The following SOHLH2 variants were observed in gnomAD, a reference collection of about 807,000 sequenced individuals.
SOHLH2 encodes spermatogenesis and oogenesis specific basic helix-loop-helix 2.
SOHLH2 carries 22 observed loss-of-function variants against 50.4 expected under a neutral mutation model. The ratio of observed to expected loss-of-function variants is 0.44; its 90% CI spans 0.31 to 0.62. SOHLH2 has a LOEUF of 0.62. SOHLH2 is among the 20% of genes least tolerant of loss of function. The pLI, the probability that SOHLH2 is intolerant of heterozygous loss-of-function variation, is 0.08. For synonymous variants in SOHLH2, 185 were observed against 187.3 expected, an observed-to-expected ratio of 0.99 and a Z score of 0.10; for missense variants, 412 against 504.4, an observed-to-expected ratio of 0.82 and a Z score of 1.76.
At chr13:36,183,146 A>T in intron 6 of SOHLH2, 1 of 373,990 alleles carries the variant, frequency 2.7e-6, no homozygotes, top group South Asian at 2.0e-5. Flanking sequence ...CCATGATTGT[A>T]AGCTTCCTGA....
In SOHLH2 at chr13:36,207,686, A is replaced by C. The variant is rs1355600641; in HGVS notation, c.49-5593T>G. On this transcript the variant is annotated intron_variant, in intron 1 of 10. Transcript: ENST00000379881. ...TCTGTCCCAGGATCCCATCTGGATA[A>C]TAGGTTGCACTTAGTCCTCGTGTCT... is the stretch of plus-strand genomic sequence containing the variant. Among the ~76,000 whole-genome samples the C allele has an allele frequency of 3.3e-5, 5 of 152,148 alleles. 1 individual carries two copies. Among genetic ancestry groups the C allele is most frequent in the Admixed American group, 3.3e-4 (5 of 15,262 alleles).
At chr13:36,171,633 T>C (rs1197579543) in intron 9 of SOHLH2, among the ~76,000 whole-genome samples, 1 of 152,182 alleles carries the variant, frequency 6.6e-6, no homozygotes, top group Non-Finnish European at 1.5e-5. Flanking sequence ...AGGAACCCAT[T>C]ATACTCTTCC....
At position 36,173,879 on chromosome 13, in the gene SOHLH2, T is replaced by C. The variant is rs529184259; in HGVS notation, c.882-69A>G. The C allele has an allele frequency of 4.5e-6, 7 of 1,559,940 alleles. No individual in the cohort carries two copies. The African/African-American group carries it at 6.8e-5, about 15-fold the overall frequency. On this transcript the variant is annotated intron_variant, in intron 8 of 10. Coordinates refer to ENST00000379881, the MANE Select transcript of SOHLH2 (RefSeq NM_017826.3). Reference sequence around the variant, plus strand: ...ACAATGTGGACACTGCTGAGTTCAATTGCCCTTTTATCATTCAAGTTCTAA... The same window carrying C: ...ACAATGTGGACACTGCTGAGTTCAACTGCCCTTTTATCATTCAAGTTCTAA...
At chr13:36,197,539 A>T (rs1209142740) in intron 2 of SOHLH2, among the ~76,000 whole-genome samples, 1 of 152,180 alleles carries the variant, frequency 6.6e-6, no homozygotes, top group Non-Finnish European at 1.5e-5. Flanking sequence ...AAGCCTGCGG[A>T]AATTTCTACC....
chr13:36,211,370 T>C (rs1869112426), intron 1 of SOHLH2, among the ~76,000 whole-genome samples: 1 of 152,240 alleles, frequency 6.6e-6, no homozygotes, highest in South Asian at 2.1e-4. Context: ...ATGTTTATTC[T>C]CTCCATAGAT....
intron 6 of SOHLH2, chr13:36,183,021 G>C (rs764775899): frequency 5.8e-6 from 1 of 173,346 alleles, no homozygotes. Flanking sequence ...TGATGAGTGA[G>C]TTCTCACTCA....
intron 9 of SOHLH2, 105 bp downstream of exon 9, chr13:36,173,586 GC>G: frequency 7.5e-7 from 1 of 1,337,898 alleles, no homozygotes; most frequent in South Asian, 1.2e-5. Context: ...GGACTCATCA[GC>G]TCTCCTGGAT....
intron 6 of SOHLH2, among the ~76,000 whole-genome samples, chr13:36,184,596 A>G (rs111357451): frequency 1.3e-5 from 2 of 151,378 alleles, no homozygotes; most frequent in African/African-American, 4.9e-5. Context: ...AGTAGCTGGG[A>G]CTACAGGCGC....
At chr13:36,207,634 C>T (rs940877953) in intron 1 of SOHLH2, among the ~76,000 whole-genome samples, 4 of 152,126 alleles carry the variant, frequency 2.6e-5, no homozygotes, top group African/African-American at 9.7e-5. Context: ...ATTTGAATTT[C>T]ACCAATTTTT....
chr13:36,207,121 C>T (rs2138328554), intron 1 of SOHLH2, among the ~76,000 whole-genome samples: 1 of 151,984 alleles, frequency 6.6e-6, no homozygotes, highest in Admixed American at 6.6e-5. Context: ...ACAGTTTTTA[C>T]AAGCTGATCT....
At chr13:36,181,244 AT>A (rs2138279197) in intron 6 of SOHLH2, among the ~76,000 whole-genome samples, 1 of 151,982 alleles carries the variant, frequency 6.6e-6, no homozygotes, top group East Asian at 1.9e-4. Context: ...ATTTTTTTAT[AT>A]TTAAAGCTTC....
chr13:36,211,222 T>C (rs1869101283), intron 1 of SOHLH2, among the ~76,000 whole-genome samples: 1 of 152,112 alleles, frequency 6.6e-6, no homozygotes, highest in South Asian at 2.1e-4. Flanking sequence ...TGAAAGGAGG[T>C]GCCATTAATA....
At chr13:36,189,308 A>G (rs1474837369) in intron 6 of SOHLH2, among the ~76,000 whole-genome samples, 1 of 152,142 alleles carries the variant, frequency 6.6e-6, no homozygotes, top group Non-Finnish European at 1.5e-5. Flanking sequence ...ACTGCCCAAC[A>G]GACTAGGTTA....
At chr13:36,184,708 T>C (rs1393455456) in intron 6 of SOHLH2, among the ~76,000 whole-genome samples, 1 of 152,260 alleles carries the variant, frequency 6.6e-6, no homozygotes, top group East Asian at 1.9e-4. Flanking sequence ...TCCACCCGCC[T>C]TGGCCTCCCA....
intron 6 of SOHLH2, among the ~76,000 whole-genome samples, chr13:36,187,538 T>C (rs1423435892): frequency 1.3e-5 from 2 of 152,136 alleles, no homozygotes; most frequent in Non-Finnish European, 2.9e-5. Context: ...GCAGCAGTCA[T>C]GGGAATGAAG....
At chr13:36,213,597 T>C (rs1869246963) in intron 1 of SOHLH2, among the ~76,000 whole-genome samples, 1 of 152,232 alleles carries the variant, frequency 6.6e-6, no homozygotes, top group African/African-American at 2.4e-5. Context: ...GGGGTAATCA[T>C]CACCTTTCAC....
chr13:36,193,660 T>A lies in SOHLH2; in HGVS notation c.391A>T (p.Asn131Tyr), dbSNP rs149567827. 6 of 1,613,144 alleles carry A rather than the reference T, an allele frequency of 3.7e-6. No individual in the cohort carries two copies. Among genetic ancestry groups the A allele is most frequent in the Non-Finnish European group, 4.2e-6 (5 of 1,179,788 alleles). Reference sequence around the variant, plus strand: ...CATGTTGTCCAGTATTTTACCACATTACTCATTTTTTCCATTGTCAGTGGT... The same window carrying A: ...CATGTTGTCCAGTATTTTACCACATAACTCATTTTTTCCATTGTCAGTGGT... The part of the protein sequence containing the change: ...TEPLTMEKMS[N>Y]VVKYWTTCPS... The change falls in exon 4 of 11, where the codon AAT becomes TAT. Residue 131 changes from asparagine to tyrosine, a missense_variant. Physicochemically the swap from Asn to Tyr is moderately radical, Grantham distance 143 (BLOSUM62 -2). Transcript: ENST00000379881.
At chr13:36,208,961 C>G (rs1452455176) in intron 1 of SOHLH2, among the ~76,000 whole-genome samples, 3 of 152,180 alleles carry the variant, frequency 2.0e-5, no homozygotes, top group East Asian at 3.8e-4. Context: ...CCTCTGCATT[C>G]TGATAGTTTC....
intron 1 of SOHLH2, among the ~76,000 whole-genome samples, chr13:36,211,736 T>C (rs1214618465): frequency 6.6e-6 from 1 of 152,208 alleles, no homozygotes; most frequent in Non-Finnish European, 1.5e-5. Context: ...AAGAATGTTA[T>C]GAGAAGTGTT....
Sources: gnomAD v4.1 joint callset for allele counts (sites outside exome capture counted in the v4.1 genomes callset) on GRCh38, gnomAD v4.1.1 for gene constraint, MANE v1.5 for transcripts, NCBI Gene and HGNC (gene_info 2026-07-23, HGNC 2026-07-21) for gene names.